Variants in RBPJ observed in about 807,000 individuals in gnomAD.
RBPJ encodes the protein recombination signal binding protein for immunoglobulin kappa J region.
In RBPJ, 9 loss-of-function variants were observed where a neutral mutation model predicts 67.8. That is an observed-to-expected ratio of 0.13 (90% confidence interval 0.08 to 0.23). RBPJ has a LOEUF of 0.23. Among genes scored for constraint, RBPJ ranks in the 10% least tolerant of loss-of-function variants. The pLI is 1.00. For synonymous variants in RBPJ, 198 were observed against 203.3 expected, an observed-to-expected ratio of 0.97 and a Z score of 0.22; for missense variants, 305 against 595.6, an observed-to-expected ratio of 0.51 and a Z score of 5.08.
At chr4:26,240,054 G>A (rs543885707) in intron 1 of RBPJ, among the ~76,000 whole-genome samples, 1 of 152,138 alleles carries the variant, frequency 6.6e-6, no homozygotes, top group East Asian at 1.9e-4. Context: ...GCAAAGTTCC[G>A]TGTGAGCAAA....
At chr4:26,292,162 T>C (rs1186881663) in intron 1 of RBPJ, among the ~76,000 whole-genome samples, 1 of 150,688 alleles carries the variant, frequency 6.6e-6, no homozygotes, top group African/African-American at 2.4e-5. Flanking sequence ...ATATTTAGTC[T>C]CCAGAACTTA....
At chr4:26,139,656 C>G in the RBPJ span, among the ~76,000 whole-genome samples, 1 of 152,140 alleles carries the variant, frequency 6.6e-6, no homozygotes, top group Non-Finnish European at 1.5e-5. Flanking sequence ...CAGGCAGAGG[C>G]AAATGGAGCC....
chr4:26,268,589 C>G (rs1720781922), intron 1 of RBPJ, among the ~76,000 whole-genome samples: 1 of 152,212 alleles, frequency 6.6e-6, no homozygotes, highest in South Asian at 2.1e-4. Context: ...GCTCCTTCAG[C>G]CAACTCAGGT....
the RBPJ span, among the ~76,000 whole-genome samples, chr4:26,131,796 G>A: frequency 1.3e-5 from 2 of 152,194 alleles, no homozygotes; most frequent in Non-Finnish European, 2.9e-5. Context: ...AGCTGGGAGA[G>A]AATGAATTCT....
At chr4:26,223,923 C>T (rs181014360) in intron 1 of RBPJ, among the ~76,000 whole-genome samples, 125 of 152,260 alleles carry the variant, frequency 8.2e-4, no homozygotes, top group Admixed American at 8.0e-3. Context: ...AACTCTATGA[C>T]CTTGGCAAAT....
intron 1 of RBPJ, among the ~76,000 whole-genome samples, chr4:26,339,725 C>T (rs558286452): frequency 9.9e-5 from 15 of 151,886 alleles, no homozygotes; most frequent in African/African-American, 3.6e-4. Context: ...CAAAAAGTTA[C>T]ATTAGAACAC....
upstream of RBPJ, among the ~76,000 whole-genome samples, chr4:26,159,675 T>C (rs1236486544): frequency 2.0e-5 from 3 of 152,204 alleles, no homozygotes; most frequent in Non-Finnish European, 4.4e-5. Context: ...GAGGAAGATA[T>C]AGTGTGATAT....
chr4:26,143,809 T>C, the RBPJ span, among the ~76,000 whole-genome samples: 13 of 152,146 alleles, frequency 8.5e-5, no homozygotes, highest in Admixed American at 8.5e-4. Flanking sequence ...ACACCTGTAG[T>C]CTCAGATACT....
intron 1 of RBPJ, among the ~76,000 whole-genome samples, chr4:26,380,692 C>A (rs1334264716): frequency 6.6e-6 from 1 of 151,830 alleles, no homozygotes; most frequent in Non-Finnish European, 1.5e-5. Context: ...TTTTGAGCTG[C>A]CTAAAATTTA....
At chr4:26,167,076 GCT>G (rs1357892296) in intron 1 of RBPJ, among the ~76,000 whole-genome samples, 1 of 151,564 alleles carries the variant, frequency 6.6e-6, no homozygotes, top group Non-Finnish European at 1.5e-5. Flanking sequence ...TCGATCTATA[GCT>G]CTGTTTTGGT....
chr4:26,362,419 G>A (rs902691930), intron 1 of RBPJ: 34 of 1,366,410 alleles, frequency 2.5e-5, no homozygotes, highest in Non-Finnish European at 3.1e-5. Flanking sequence ...AACACTTAAG[G>A]CCTTATTTTT....
intron 1 of RBPJ, among the ~76,000 whole-genome samples, chr4:26,272,002 G>A (rs1720932845): frequency 6.6e-6 from 1 of 152,210 alleles, no homozygotes; most frequent in South Asian, 2.1e-4. Context: ...AGTGCCTTGG[G>A]TCACTTGCTT....
intron 1 of RBPJ, among the ~76,000 whole-genome samples, chr4:26,195,933 T>C (rs1180854672): frequency 6.6e-6 from 1 of 152,120 alleles, no homozygotes; most frequent in Non-Finnish European, 1.5e-5. Flanking sequence ...TTTTAGAGTG[T>C]CGTTATTTTC....
the RBPJ span, among the ~76,000 whole-genome samples, chr4:26,121,018 G>A: frequency 9.9e-5 from 15 of 151,294 alleles, no homozygotes; most frequent in Non-Finnish European, 1.6e-4. Flanking sequence ...GAGAGGGAGG[G>A]GTAGGGGGAG....
chr4:26,157,086 CAAACAAACA>C, the RBPJ span, among the ~76,000 whole-genome samples: 21 of 34,668 alleles, frequency 6.1e-4, no homozygotes, highest in African/African-American at 8.4e-4. Context: ...CAAAAACAAA[CAAACAAACA>C]AACAAAAACA....
chr4:26,290,530 A>G, intron 1 of RBPJ, among the ~76,000 whole-genome samples: 1 of 150,390 alleles, frequency 6.6e-6, no homozygotes, highest in Admixed American at 6.6e-5. Flanking sequence ...AATTCCAAAT[A>G]TATCCAAGCT....
At chr4:26,203,232 T>A (rs1267493378) in intron 1 of RBPJ, among the ~76,000 whole-genome samples, 6 of 152,208 alleles carry the variant, frequency 3.9e-5, no homozygotes, top group Non-Finnish European at 7.3e-5. Flanking sequence ...CTAATAGTTT[T>A]TCATTACTGT....
At chr4:26,360,374 A>G (rs1727908836) in intron 1 of RBPJ, among the ~76,000 whole-genome samples, 1 of 152,134 alleles carries the variant, frequency 6.6e-6, no homozygotes, top group South Asian at 2.1e-4. Flanking sequence ...TGAACTTTCT[A>G]TATTTAGCTT....
At chr4:26,210,735 ACTTCTTTC>A (rs1262418473) in intron 1 of RBPJ, among the ~76,000 whole-genome samples, 2 of 48,958 alleles carry the variant, frequency 4.1e-5, no homozygotes, top group African/African-American at 8.0e-5. Flanking sequence ...TTCCTTCTTT[ACTTCTTTC>A]CTTCTTTCCT....
Sources: allele counts gnomAD v4.1 joint callset (sites outside exome capture counted in the v4.1 genomes callset), GRCh38; gene constraint gnomAD v4.1.1; transcripts MANE v1.5; gene names NCBI Gene and HGNC (gene_info 2026-07-23, HGNC 2026-07-21).